PRRT1B: variants seen among roughly 807,000 people sequenced by gnomAD.
PRRT1B encodes proline rich transmembrane protein 1B, also known as dispanin subfamily D member 2.
intron 1 of PRRT1B, among the ~76,000 whole-genome samples, chr9:131,548,098 G>A (rs1017535838): frequency 1.3e-5 from 2 of 152,066 alleles, no homozygotes; most frequent in African/African-American, 4.8e-5. Context: ...AGTCAATTGC[G>A]GGGATGCCTG....
intron 1 of PRRT1B, among the ~76,000 whole-genome samples, chr9:131,553,185 A>G (rs910727630): frequency 6.6e-6 from 1 of 151,642 alleles, no homozygotes; most frequent in Non-Finnish European, 1.5e-5. Context: ...ATTCAGTGGC[A>G]TTAAGAACAC....
At chr9:131,550,670 G>C (rs1255524914) in intron 1 of PRRT1B, among the ~76,000 whole-genome samples, 3 of 152,136 alleles carry the variant, frequency 2.0e-5, no homozygotes, top group Admixed American at 6.5e-5. Flanking sequence ...TAGCCTTTCT[G>C]TCCAAACAAC....
chr9:131,546,961 G>A (rs1176979626), intron 1 of PRRT1B, among the ~76,000 whole-genome samples: 1 of 151,848 alleles, frequency 6.6e-6, no homozygotes, highest in Non-Finnish European at 1.5e-5. Flanking sequence ...TGGGAGTCTC[G>A]GTTCCCTCAT....
intron 1 of PRRT1B, among the ~76,000 whole-genome samples, chr9:131,548,532 A>G (rs1482456257): frequency 6.6e-6 from 1 of 152,194 alleles, no homozygotes; most frequent in African/African-American, 2.4e-5. Flanking sequence ...AAAATGGGCA[A>G]CCGGTCTGAG....
At chr9:131,556,722 T>C (rs1951053265) in intron 3 of PRRT1B, among the ~76,000 whole-genome samples, 1 of 151,808 alleles carries the variant, frequency 6.6e-6, no homozygotes, top group African/African-American at 2.4e-5. Context: ...ACCTCCACCC[T>C]CTGGGTTCAA....
At chr9:131,546,943 T>C (rs1364828998) in intron 1 of PRRT1B, among the ~76,000 whole-genome samples, 4 of 152,050 alleles carry the variant, frequency 2.6e-5, no homozygotes, top group Non-Finnish European at 5.9e-5. Context: ...GAGACCCACG[T>C]TTCTTGCTGG....
At chr9:131,556,863 C>T (rs765932251) in intron 3 of PRRT1B, among the ~76,000 whole-genome samples, 1 of 152,012 alleles carries the variant, frequency 6.6e-6, no homozygotes, top group Non-Finnish European at 1.5e-5. Context: ...GAACTCCTGA[C>T]CTCAGGTGAT....
In PRRT1B at chr9:131,554,537, C is replaced by G. The variant is rs1295556588; in HGVS notation, c.26-20C>G. On this transcript the variant is annotated intron_variant, in intron 1 of 3. Coordinates refer to ENST00000636672, the Ensembl canonical transcript of PRRT1B. ...TAGCCCGGCGGCCTCTTGCTCACGA[C>G]CGCTGCCATTTCTTTCTAGGGTCCG... The G allele has an allele frequency of 2.5e-6, 1 of 393,544 alleles. No homozygotes were observed. The highest frequency in any genetic ancestry group is 4.5e-6 in the Non-Finnish European group (1 of 222,672). The allele number at this position is 393,544 out of a possible 1,614,324, so 24.4% of individuals were successfully genotyped here.
intron 1 of PRRT1B, among the ~76,000 whole-genome samples, chr9:131,545,844 G>A (rs1049821624): frequency 1.3e-5 from 2 of 151,946 alleles, no homozygotes; most frequent in Admixed American, 1.3e-4. Flanking sequence ...CTGGTGGGGC[G>A]GGTGCTGGAG....
In PRRT1B at chr9:131,553,629, T is replaced by C. The variant is rs1951026524; in HGVS notation, c.26-928T>C. ...AAGGGTCCTCCCACCCCCACTGAGA[T>C]GTCTGTGTGATGTCTGTTTCACTCA... On this transcript the variant is annotated intron_variant, in intron 1 of 3. Coordinates refer to ENST00000636672, the Ensembl canonical transcript of PRRT1B. Among the ~76,000 whole-genome samples, 4 of 152,202 alleles carry C rather than the reference T, an allele frequency of 2.6e-5. No homozygotes were observed. The South Asian group carries it at 8.3e-4, about 31-fold the overall frequency.
rs559134256 is a variant in PRRT1B, at chr9:131,547,704, T to C, written c.25+2064T>C. ...CCTGCTCTTTGCTCCGTGAGAAAGATCCACCTACGACCTCGGGTCCTCAGA... is the reference window on the plus strand; with the variant it reads ...CCTGCTCTTTGCTCCGTGAGAAAGACCCACCTACGACCTCGGGTCCTCAGA... On this transcript the variant is annotated intron_variant, in intron 1 of 3. Transcript: ENST00000636672. 8.1e-3 allele frequency among the ~76,000 whole-genome samples: 1,230 copies of C among 152,268 alleles called. 10 individuals carry two copies. The highest frequency in any genetic ancestry group is 0.028 in the African/African-American group (1,176 of 41,542).
chr9:131,554,391 C>T (rs1042887208), intron 1 of PRRT1B, among the ~76,000 whole-genome samples, 166 bp from the exon 2 acceptor site: 8 of 152,150 alleles, frequency 5.3e-5, no homozygotes, highest in Non-Finnish European at 8.8e-5. Flanking sequence ...GTGACTCCAG[C>T]AAGGCAGGTG....
At chr9:131,549,727 G>T (rs1279503823) in intron 1 of PRRT1B, among the ~76,000 whole-genome samples, 1 of 152,132 alleles carries the variant, frequency 6.6e-6, no homozygotes, top group Non-Finnish European at 1.5e-5. Context: ...ACTGTTGTAG[G>T]TATTGACAGC....
At chr9:131,549,986 A>G (rs55970717) in intron 1 of PRRT1B, among the ~76,000 whole-genome samples, 74,115 of 151,712 alleles carry the variant, frequency 0.49, 19,082 homozygotes, top group Non-Finnish European at 0.56. Flanking sequence ...TCCCCACCTT[A>G]ATCCACAAGT....
At chr9:131,552,674 A>C (rs1424793853) in intron 1 of PRRT1B, among the ~76,000 whole-genome samples, 1 of 128,186 alleles carries the variant, frequency 7.8e-6, no homozygotes, top group Non-Finnish European at 1.8e-5. Flanking sequence ...CCCAACCTCT[A>C]AGGTTTTTTT....
At position 131,551,408 on chromosome 9, in the gene PRRT1B, T is replaced by G. The variant is rs1477786888; in HGVS notation, c.26-3149T>G. ...TTCCCACGCCGCCCCTAATCTCGCT[T>G]GAAGCAGCCCTGAGAAACATCGCCC... On this transcript the variant is annotated intron_variant, in intron 1 of 3. Transcript: ENST00000636672. This position sits in a 1 kb window ranked among gnomAD's most constrained non-coding sequence, Gnocchi z 4.4. 1.3e-5 allele frequency among the ~76,000 whole-genome samples: 2 copies of G among 152,292 alleles called. No homozygotes were observed. The highest frequency in any genetic ancestry group is 3.9e-4 in the East Asian group (2 of 5,184).
chr9:131,559,062 G>A (rs932460020), downstream of PRRT1B, among the ~76,000 whole-genome samples: 4 of 152,316 alleles, frequency 2.6e-5, no homozygotes, highest in African/African-American at 7.2e-5. Context: ...CTGTAGAACC[G>A]TACCTATGAC....
chr9:131,548,265 G>GT (rs759111654), intron 1 of PRRT1B, among the ~76,000 whole-genome samples: 17 of 151,406 alleles, frequency 1.1e-4, no homozygotes, highest in Admixed American at 2.6e-4. Context: ...CCTTCTCTCC[G>GT]TATCTCTACC....
chr9:131,551,871 G>A lies in PRRT1B; in HGVS notation c.26-2686G>A, dbSNP rs1419462495. On this transcript the variant is annotated intron_variant, in intron 1 of 3. Coordinates refer to ENST00000636672, the Ensembl canonical transcript of PRRT1B. The surrounding 1 kb of genome is among the most constrained non-coding windows in gnomAD (Gnocchi z 4.4). ...TTGGACTCAGCCTGCCTGCACCCAG[G>A]TGATTCAAAAGCTTTATTGCTCACA... Among the ~76,000 whole-genome samples the A allele has an allele frequency of 6.6e-6, 1 of 152,158 alleles. No individual in the cohort carries two copies. The highest frequency in any genetic ancestry group is 1.5e-5 in the Non-Finnish European group (1 of 68,042).
Sources: allele counts gnomAD v4.1 joint callset (sites outside exome capture counted in the v4.1 genomes callset), GRCh38; gene constraint gnomAD v4.1.1; non-coding constraint Gnocchi (gnomAD v3.1); transcripts MANE v1.5; gene names NCBI Gene and HGNC (gene_info 2026-07-23, HGNC 2026-07-21).